Variants in NMU observed in about 807,000 individuals in gnomAD.
NMU encodes the protein neuromedin-U.
In NMU, 29 loss-of-function variants were observed where a neutral mutation model predicts 35.4. The observed-to-expected ratio is 0.82, with a 90% CI of 0.61 to 1.12. The LOEUF (loss-of-function observed/expected upper bound fraction) is 1.12, where lower values mean the gene tolerates loss of function less well. NMU is among the 50% of genes most tolerant of loss of function. The probability of loss-of-function intolerance (pLI) is 0.00; values close to 1 mark genes in which losing one functional copy is unlikely to be tolerated. For missense variants in NMU, 199 were observed against 206.2 expected (o/e 0.97, Z 0.21); for synonymous variants, 78 against 81.3 (o/e 0.96, Z 0.22).
At chr4:55,606,237 T>C (rs774287391) in intron 6 of NMU, among the ~76,000 whole-genome samples, 21 of 152,208 alleles carry the variant, frequency 1.4e-4, no homozygotes, top group Admixed American at 5.2e-4. Context: ...ATTCCCTAAA[T>C]TGGTTCATGG....
At chr4:55,609,975 C>G (rs949999322) in intron 3 of NMU, among the ~76,000 whole-genome samples, 5 of 152,198 alleles carry the variant, frequency 3.3e-5, no homozygotes, top group Non-Finnish European at 5.9e-5. Context: ...GCCTGTAACT[C>G]TATCGCAGTG....
rs1040937101 is a variant in NMU, at chr4:55,625,170, A to T, written c.171+5232T>A. Among the ~76,000 whole-genome samples the T allele has an allele frequency of 5.9e-4, 10 of 17,086 alleles. No homozygotes were observed. In the East Asian group the frequency reaches 0.013, roughly 23 times the overall value. The allele number at this position is 17,086 out of a possible 152,430, so 11.2% of individuals were successfully genotyped here. ...GTACCCTAAAACTTAAAGTATAATT[A>T]AAAAAAAAAAAAAAAAAAAAAGAAC... On this transcript the variant is annotated intron_variant, in intron 2 of 9. Transcript: ENST00000264218.
intron 8 of NMU, among the ~76,000 whole-genome samples, chr4:55,600,090 G>A (rs55662516): frequency 0.051 from 7,829 of 152,218 alleles, 242 homozygotes; most frequent in Non-Finnish European, 0.076. Flanking sequence ...CTGTAATCCT[G>A]AAATTCTGTC....
At chr4:55,625,223 A>G (rs1734479065) in intron 2 of NMU, among the ~76,000 whole-genome samples, 1 of 145,934 alleles carries the variant, frequency 6.9e-6, no homozygotes, top group South Asian at 2.3e-4. Context: ...CACCTTGCCC[A>G]GCTGCATCTT....
intron 2 of NMU, among the ~76,000 whole-genome samples, chr4:55,619,871 A>T (rs1734311026): frequency 7.7e-6 from 1 of 130,572 alleles, no homozygotes; most frequent in African/African-American, 2.7e-5. Context: ...ACCCCCGAGC[A>T]GCCTAACTGG....
chr4:55,615,826 T>A (rs55849318), intron 3 of NMU, among the ~76,000 whole-genome samples: 23,969 of 152,068 alleles, frequency 0.16, 2,166 homozygotes, highest in South Asian at 0.23. Context: ...TGTTCCCCTC[T>A]TTGTGTCCAT....
chr4:55,627,074 A>G (rs1734560396), intron 2 of NMU, among the ~76,000 whole-genome samples: 1 of 152,232 alleles, frequency 6.6e-6, no homozygotes, highest in Non-Finnish European at 1.5e-5. Context: ...TGGCGCAAGC[A>G]CAGGCAGCAC....
chr4:55,618,723 C>CT (rs1253288363), intron 2 of NMU, among the ~76,000 whole-genome samples: 2 of 144,978 alleles, frequency 1.4e-5, no homozygotes, highest in Admixed American at 7.1e-5. Flanking sequence ...TTTCTTCTCT[C>CT]TTTCTTCTTT....
intron 2 of NMU, among the ~76,000 whole-genome samples, chr4:55,618,808 TTCTCTTTCTTC>T (rs1449004571): frequency 1.3e-5 from 2 of 151,054 alleles, no homozygotes; most frequent in African/African-American, 4.9e-5. Flanking sequence ...CTTCCTTTTC[TTCTCTTTCTTC>T]TCTCTTTCTT....
chr4:55,596,428 C>CT (rs1733185102), intron 9 of NMU, among the ~76,000 whole-genome samples: 1 of 150,010 alleles, frequency 6.7e-6, no homozygotes, highest in South Asian at 2.1e-4. Flanking sequence ...TGTGAACACT[C>CT]TAATACTTAT....
chr4:55,598,089 G>GTTTTTTTTTTTTT (rs10588154), intron 9 of NMU, among the ~76,000 whole-genome samples: 1 of 85,394 alleles, frequency 1.2e-5, no homozygotes, highest in Non-Finnish European at 2.2e-5. Flanking sequence ...TTTGGTTGTG[G>GTTTTTTTTTTTTT]TTTTTTTTTT....
chr4:55,632,144 G>A (rs1734778372), intron 1 of NMU, among the ~76,000 whole-genome samples: 1 of 152,134 alleles, frequency 6.6e-6, no homozygotes, highest in Non-Finnish European at 1.5e-5. Context: ...ATGGACTTTG[G>A]GGACTCGGAG....
intron 7 of NMU, among the ~76,000 whole-genome samples, chr4:55,601,773 G>T (rs1733436972): frequency 6.6e-6 from 1 of 151,988 alleles, no homozygotes; most frequent in Non-Finnish European, 1.5e-5. Context: ...AATCACTTGA[G>T]CCCAGGAGTT....
At chr4:55,619,128 TG>T (rs1231955726) in intron 2 of NMU, among the ~76,000 whole-genome samples, 1 of 152,130 alleles carries the variant, frequency 6.6e-6, no homozygotes, top group Non-Finnish European at 1.5e-5. Context: ...TGCCTCGGCC[TG>T]TCAAAGAACT....
intron 2 of NMU, among the ~76,000 whole-genome samples, chr4:55,625,858 G>A (rs532758853): frequency 4.1e-4 from 62 of 151,734 alleles, no homozygotes; most frequent in African/African-American, 1.5e-3. Context: ...TTCAAGTGCT[G>A]TAGTAGATTC....
chr4:55,619,128 T>C (rs1316922221), intron 2 of NMU, among the ~76,000 whole-genome samples: 7 of 152,130 alleles, frequency 4.6e-5, no homozygotes, highest in African/African-American at 1.4e-4. Flanking sequence ...TGCCTCGGCC[T>C]GTCAAAGAAC....
Position 55,600,521 on chromosome 4 carries a change from C to G in NMU, c.489+1G>C. The G allele has an allele frequency of 6.3e-7, 1 of 1,599,018 alleles. No individual in the cohort carries two copies. ...TTTTTAAAAATACAGTATGTACCTA[C>G]CCTGAATAAAAAATATCCTCGACTT... On this transcript the variant is annotated splice_donor_variant, in intron 8 of 9. Coordinates refer to ENST00000264218, the MANE Select transcript of NMU (RefSeq NM_006681.4). LOFTEE classifies it high-confidence loss of function.
At chr4:55,596,291 G>A (rs775990522) in intron 9 of NMU, among the ~76,000 whole-genome samples, 5 of 149,498 alleles carry the variant, frequency 3.3e-5, no homozygotes, top group Non-Finnish European at 7.4e-5. Flanking sequence ...ATGAAATCAC[G>A]AGTACATTAG....
chr4:55,635,714 G>T (rs898581523), intron 1 of NMU, among the ~76,000 whole-genome samples: 2 of 152,218 alleles, frequency 1.3e-5, no homozygotes, highest in African/African-American at 2.4e-5. Flanking sequence ...CAATCAAAGG[G>T]AAAACATTTT....
Sources: gnomAD v4.1 joint callset for allele counts (sites outside exome capture counted in the v4.1 genomes callset) on GRCh38, gnomAD v4.1.1 for gene constraint, MANE v1.5 for transcripts, NCBI Gene and HGNC (gene_info 2026-07-23, HGNC 2026-07-21) for gene names.